Variants in EIF3H observed in about 807,000 individuals in gnomAD.
EIF3H encodes the protein eIF-3-gamma.
A neutral mutation model predicts 44.2 loss-of-function variants in EIF3H; 26 were observed. The ratio of observed to expected loss-of-function variants is 0.59; its 90% CI spans 0.43 to 0.82. EIF3H has a LOEUF of 0.82. Ranked by LOEUF, EIF3H falls within the 40% of genes least tolerant of loss-of-function variation. The pLI is 0.00. For missense variants in EIF3H, 359 were observed against 432.8 expected, an observed-to-expected ratio of 0.83 and a Z score of 1.51; for synonymous variants, 166 against 151.9, an observed-to-expected ratio of 1.09 and a Z score of -0.68.
intron 2 of EIF3H, among the ~76,000 whole-genome samples, chr8:116,699,701 G>T (rs1259353656): frequency 6.6e-6 from 1 of 152,122 alleles, no homozygotes; most frequent in Non-Finnish European, 1.5e-5. Context: ...TCTAGAAATT[G>T]AAATTATAAA....
At chr8:116,702,984 C>T (rs1371411563) in intron 2 of EIF3H, among the ~76,000 whole-genome samples, 6 of 152,056 alleles carry the variant, frequency 3.9e-5, no homozygotes, top group Admixed American at 3.9e-4. Flanking sequence ...CCCTCACATG[C>T]GCAGCTCACA....
Position 116,666,749 on chromosome 8 carries a change from T to C in EIF3H, c.290-7769A>G, listed in dbSNP as rs557345409. Among the ~76,000 whole-genome samples, 55 of 7,536 alleles carry C rather than the reference T, an allele frequency of 7.3e-3. 1 individual carries two copies. The highest frequency in any genetic ancestry group is 0.07 in the African/African-American group (51 of 724). 4.9% of individuals were successfully genotyped at this position (7,536 alleles called of 152,430 possible). ...AAGACCAAATGAGAATCTTTAGTGT[T>C]AGGCAAAAAAAAAAAAAAAAAAAAA... On this transcript the variant is annotated intron_variant, in intron 2 of 7. Transcript: ENST00000521861.
chr8:116,752,722 A>AAG (rs547151119), intron 1 of EIF3H, among the ~76,000 whole-genome samples: 1 of 111,150 alleles, frequency 9.0e-6, no homozygotes, highest in Non-Finnish European at 2.0e-5. Context: ...GAAAGAAAGA[A>AAG]AGAAAGAAAG....
chr8:116,731,610 C>A (rs746398039), intron 1 of EIF3H, among the ~76,000 whole-genome samples: 10 of 152,148 alleles, frequency 6.6e-5, no homozygotes, highest in Non-Finnish European at 8.8e-5. Context: ...GCATAAATAT[C>A]ACCCTAATAA....
intron 1 of EIF3H, among the ~76,000 whole-genome samples, chr8:116,729,792 T>C (rs1814920564): frequency 6.6e-6 from 1 of 152,176 alleles, no homozygotes; most frequent in African/African-American, 2.4e-5. Context: ...AAAAAGCACT[T>C]TCCAAATACT....
In EIF3H at chr8:116,645,203, C is replaced by T. The variant is rs894628564; in HGVS notation, c.962-100G>A. On this transcript the variant is annotated intron_variant, in intron 7 of 7. Coordinates refer to ENST00000521861, the MANE Select transcript of EIF3H (RefSeq NM_003756.3). ...AAAAATCAGCATAAAACAGAATCAC[C>T]TGTTTATTGTTTTGAATCCAGAGTT... The T allele has an allele frequency of 4.6e-6, 4 of 860,972 alleles. No homozygotes were observed. In the Admixed American group the frequency reaches 9.7e-5, roughly 21 times the overall value. The allele number at this position is 860,972 out of a possible 1,614,324, so 53.3% of individuals were successfully genotyped here.
intron 2 of EIF3H, among the ~76,000 whole-genome samples, chr8:116,719,371 T>C (rs1814708017): frequency 6.6e-6 from 1 of 152,148 alleles, no homozygotes; most frequent in African/African-American, 2.4e-5. Context: ...GGCAAGGCTC[T>C]GGAAGACAGA....
At chr8:116,650,522 TAAATA>T (rs1196750029) in intron 5 of EIF3H, among the ~76,000 whole-genome samples, 1 of 152,186 alleles carries the variant, frequency 6.6e-6, no homozygotes, top group Non-Finnish European at 1.5e-5. Flanking sequence ...GATGAATAGA[TAAATA>T]AAATATTATA....
chr8:116,666,386 G>T (rs1813666314), intron 2 of EIF3H, among the ~76,000 whole-genome samples: 1 of 152,088 alleles, frequency 6.6e-6, no homozygotes, highest in South Asian at 2.1e-4. Context: ...AGTCTTCTAT[G>T]AAATAAATTG....
At chr8:116,680,992 A>C (rs1365912406) in intron 2 of EIF3H, among the ~76,000 whole-genome samples, 1 of 151,512 alleles carries the variant, frequency 6.6e-6, no homozygotes, top group Non-Finnish European at 1.5e-5. Context: ...AAAAGAGTTT[A>C]CAGTACAGCT....
chr8:116,652,492 G>A (rs968126287), intron 5 of EIF3H, among the ~76,000 whole-genome samples: 2 of 152,150 alleles, frequency 1.3e-5, no homozygotes, highest in African/African-American at 2.4e-5. Context: ...TGAGATGGGG[G>A]GATGTAAACA....
At chr8:116,761,373 G>T (rs1292049832) in intron 1 of EIF3H, among the ~76,000 whole-genome samples, 1 of 152,074 alleles carries the variant, frequency 6.6e-6, no homozygotes, top group Non-Finnish European at 1.5e-5. Flanking sequence ...TCAGCCAGGC[G>T]TGGTGGTGGG....
chr8:116,654,079 G>T (rs1044879576), intron 5 of EIF3H, among the ~76,000 whole-genome samples: 1 of 152,154 alleles, frequency 6.6e-6, no homozygotes, highest in Non-Finnish European at 1.5e-5. Flanking sequence ...AAAATAGTAT[G>T]GTCGATTTGG....
upstream of EIF3H, among the ~76,000 whole-genome samples, chr8:116,758,853 T>C (rs1276327467): frequency 1.3e-5 from 2 of 152,128 alleles, no homozygotes; most frequent in Non-Finnish European, 2.9e-5. Flanking sequence ...AATATTAAAA[T>C]GTGTGGGGCA....
chr8:116,742,060 A>G (rs1438911396), intron 1 of EIF3H, among the ~76,000 whole-genome samples: 1 of 152,158 alleles, frequency 6.6e-6, no homozygotes, highest in Non-Finnish European at 1.5e-5. Flanking sequence ...GTTTGATGTG[A>G]AAGAAATTTA....
chr8:116,708,625 G>C (rs1329917502), intron 2 of EIF3H, among the ~76,000 whole-genome samples: 1 of 152,026 alleles, frequency 6.6e-6, no homozygotes, highest in African/African-American at 2.4e-5. Flanking sequence ...CATTCACTAT[G>C]GGTAAAGTAG....
intron 5 of EIF3H, 42 bp from the exon 6 acceptor site, chr8:116,648,968 T>C (rs771354056): frequency 1.3e-6 from 2 of 1,574,134 alleles, no homozygotes; most frequent in Non-Finnish European, 1.7e-6. Context: ...TTACTTTAAA[T>C]TATAGCTTTG....
In EIF3H at chr8:116,645,062, C is replaced by A; in HGVS notation, c.1003G>T (p.Ala335Ser). Residue 335 changes from alanine (A) to serine (S), a missense_variant, in exon 8 of 8, where the codon GCC (alanine) becomes TCC (serine). This residue lies in a region of EIF3H where 94 missense variants were observed against 96.0 expected (regional missense o/e 0.98). Transcript: ENST00000521861. ...ATGAAGAGCTTGCCTAAGTTTTGGG[C>A]AGTGAACTCCTTGATGTTCTGGCAG... ...TYCQNIKEFT[A>S]QNLGKLFMAQ... 1 of 1,614,078 alleles carries A rather than the reference C, an allele frequency of 6.2e-7. No individual in the cohort carries two copies.
intron 2 of EIF3H, among the ~76,000 whole-genome samples, chr8:116,715,426 G>C (rs1302905619): frequency 6.6e-6 from 1 of 151,988 alleles, no homozygotes; most frequent in East Asian, 1.9e-4. Context: ...GTGCACACAT[G>C]AATACTGTCT....
Sources: gnomAD v4.1 joint callset for allele counts (sites outside exome capture counted in the v4.1 genomes callset) on GRCh38, gnomAD v4.1.1 for gene constraint, gnomAD v4.1.1 regional missense constraint, MANE v1.5 for transcripts, NCBI Gene and HGNC (gene_info 2026-07-23, HGNC 2026-07-21) for gene names.